TRPC1: variants seen among roughly 807,000 people sequenced by gnomAD.
TRPC1 encodes the protein transient receptor potential cation channel subfamily C member 1, also known as short transient receptor potential channel 1.
Under a neutral mutation model 88.2 loss-of-function variants are expected in TRPC1, and 42 were observed. The observed-to-expected ratio is 0.48, with a 90% CI of 0.37 to 0.62. The LOEUF is 0.62. Among genes scored for constraint, TRPC1 ranks in the 20% least tolerant of loss-of-function variants. The pLI is 0.00. For missense variants in TRPC1, 699 were observed against 957.3 expected, an observed-to-expected ratio of 0.73 and a Z score of 3.56; for synonymous variants, 288 against 331.8, an observed-to-expected ratio of 0.87 and a Z score of 1.43.
At chr3:142,745,522 T>C (rs1469354482) in intron 3 of TRPC1, among the ~76,000 whole-genome samples, 1 of 152,144 alleles carries the variant, frequency 6.6e-6, no homozygotes, top group African/African-American at 2.4e-5. Context: ...CGTGCACCTG[T>C]CATCCCAGTT....
At chr3:142,801,869 C>T (rs991397493) in intron 9 of TRPC1, among the ~76,000 whole-genome samples, 1 of 152,068 alleles carries the variant, frequency 6.6e-6, no homozygotes, top group Admixed American at 6.6e-5. Flanking sequence ...CAAATTAGGC[C>T]TTTTCTTAAA....
At chr3:142,803,751 G>A (rs1354914577) in intron 10 of TRPC1, among the ~76,000 whole-genome samples, 2 of 152,138 alleles carry the variant, frequency 1.3e-5, no homozygotes, top group Non-Finnish European at 2.9e-5. Context: ...CAGAAAGAAA[G>A]GCAGCAAGGG....
intron 2 of TRPC1, among the ~76,000 whole-genome samples, chr3:142,741,812 C>T (rs1934360961): frequency 6.6e-6 from 1 of 151,972 alleles, no homozygotes; most frequent in South Asian, 2.1e-4. Context: ...GTTGAAGTTC[C>T]CTGGTGTTTG....
chr3:142,799,975 T>C (rs192949295), intron 9 of TRPC1, among the ~76,000 whole-genome samples: 6 of 152,296 alleles, frequency 3.9e-5, no homozygotes, highest in East Asian at 1.9e-4. Flanking sequence ...ATGGTCACTA[T>C]TGGAAAACCT....
chr3:142,807,439 C>T lies in TRPC1; in HGVS notation c.*1204C>T, dbSNP rs1028947768. On this transcript the variant is annotated 3_prime_UTR_variant, in exon 13 of 13. Transcript: ENST00000476941. ...GTTTTCATAGGCTATTATATATTCTCGCAGCATTTCCAGTTAAGAGGATAT... is the reference window on the plus strand; with the variant it reads ...GTTTTCATAGGCTATTATATATTCTTGCAGCATTTCCAGTTAAGAGGATAT... 116 of 152,122 alleles carry T rather than the reference C, an allele frequency of 7.6e-4. No individual in the cohort carries two copies. The highest frequency in any genetic ancestry group is 2.7e-3 in the African/African-American group (112 of 41,420). 9.4% of individuals were successfully genotyped at this position (152,122 alleles called of 1,614,324 possible).
chr3:142,800,637 C>A (rs890993691), intron 9 of TRPC1, among the ~76,000 whole-genome samples: 2 of 151,980 alleles, frequency 1.3e-5, no homozygotes, highest in African/African-American at 4.8e-5. Context: ...AATAATGAGG[C>A]CAGGCACGGT....
chr3:142,781,557 C>T (rs902964381), intron 6 of TRPC1, among the ~76,000 whole-genome samples: 2 of 151,996 alleles, frequency 1.3e-5, no homozygotes, highest in Admixed American at 6.5e-5. Context: ...TGGAGAGGTA[C>T]ATGATATGAT....
chr3:142,755,774 C>T (rs992765199), intron 4 of TRPC1, among the ~76,000 whole-genome samples: 1 of 152,128 alleles, frequency 6.6e-6, no homozygotes, highest in Non-Finnish European at 1.5e-5. Flanking sequence ...TCCATAGGGC[C>T]TCAAAAAAGG....
Position 142,803,234 on chromosome 3 carries a change from T to C in TRPC1, c.1758-743T>C, listed in dbSNP as rs1005779619. Among the ~76,000 whole-genome samples, 8 of 152,222 alleles carry C rather than the reference T, an allele frequency of 5.3e-5. No individual in the cohort carries two copies. In the East Asian group the frequency reaches 5.8e-4, roughly 11 times the overall value. ...AGGGAGTGCCCCAGAAGAGATGACA[T>C]TCATGTGAGGATCTAAAGCTGGTAA... On this transcript the variant is annotated intron_variant, in intron 10 of 12. Transcript: ENST00000476941.
chr3:142,805,443 A>G (rs1453013497), intron 12 of TRPC1, among the ~76,000 whole-genome samples: 1 of 152,064 alleles, frequency 6.6e-6, no homozygotes, highest in Non-Finnish European at 1.5e-5. Flanking sequence ...TAAATACTTT[A>G]CACTTTTCAG....
chr3:142,803,914 A>G (rs1037715624), intron 10 of TRPC1, 63 bp from the exon 11 acceptor site: 26 of 1,494,404 alleles, frequency 1.7e-5, no homozygotes, highest in Non-Finnish European at 2.3e-5. Context: ...GATATAAACA[A>G]ATGATTCATT....
intron 1 of TRPC1, among the ~76,000 whole-genome samples, chr3:142,735,337 T>G (rs945099652): frequency 2.6e-5 from 4 of 152,226 alleles, no homozygotes; most frequent in Non-Finnish European, 5.9e-5. Context: ...TTCTGTATCA[T>G]GAAATCATTT....
In TRPC1 at chr3:142,802,233, T is replaced by C. The variant is rs1379851465; in HGVS notation, c.1646T>C (p.Phe549Ser). 9 of 1,599,646 alleles carry C rather than the reference T, an allele frequency of 5.6e-6. No individual in the cohort carries two copies. Among genetic ancestry groups the C allele is most frequent in the Non-Finnish European group, 7.7e-6 (9 of 1,174,322 alleles). ...CTTGGGATGTTTCTTCTTGTTTTGT[T>C]TTCTTTCACAATTGGACTGACACAA... ...KFLGMFLLVL[F>S]SFTIGLTQLY... Residue 549 changes from phenylalanine (F) to serine (S), a missense_variant, in exon 10 of 13, where the codon TTT (phenylalanine) becomes TCT (serine). Transcript: ENST00000476941.
chr3:142,801,736 C>A (rs1477186002), intron 9 of TRPC1, among the ~76,000 whole-genome samples: 1 of 152,068 alleles, frequency 6.6e-6, no homozygotes, highest in Non-Finnish European at 1.5e-5. Context: ...GAATTGGTTT[C>A]AAAAATCAGG....
chr3:142,795,666 C>CA lies in TRPC1; in HGVS notation c.1581+2703dup, dbSNP rs149521002. Among the ~76,000 whole-genome samples the CA allele has an allele frequency of 7.5e-3, 1,136 of 151,950 alleles. 8 individuals carry two copies. The highest frequency in any genetic ancestry group is 0.012 in the Non-Finnish European group (835 of 67,922). ...GGTAAAATGTAGACTTCCAGACACA[C>CA]AAAAGCTAAAAGAATACATCACTGG... On this transcript the variant is annotated intron_variant, in intron 9 of 12. Coordinates refer to ENST00000476941, the MANE Select transcript of TRPC1 (RefSeq NM_001251845.2).
intron 3 of TRPC1, among the ~76,000 whole-genome samples, chr3:142,746,863 A>G (rs944077095): frequency 6.6e-6 from 1 of 152,186 alleles, no homozygotes; most frequent in Non-Finnish European, 1.5e-5. Context: ...ACCAAAAAAA[A>G]AAAAACTGGT....
intron 4 of TRPC1, among the ~76,000 whole-genome samples, chr3:142,759,038 G>C (rs1454110339): frequency 6.6e-6 from 1 of 152,108 alleles, no homozygotes; most frequent in Admixed American, 6.5e-5. Flanking sequence ...GTATTCCATG[G>C]TGTATATGTG....
Position 142,792,932 on chromosome 3 carries a change from A to G in TRPC1, c.1546A>G (p.Met516Val). 1 of 1,609,562 alleles carries G rather than the reference A, an allele frequency of 6.2e-7. No individual in the cohort carries two copies. ...NVLSYLRLFF[M>V]YTTSSILGPL... The stretch of plus-strand genomic sequence containing the variant: ...TCTAAGTTATCTTCGTCTCTTTTTT[A>G]TGTATACAACCAGCTCTATCTTGGG... The change falls in exon 9 of 13, where the codon ATG (methionine) becomes GTG (valine). Residue 516 changes from methionine to valine, a missense_variant. Physicochemically the swap from Met to Val is conservative, Grantham distance 21 (BLOSUM62 1). This residue lies in a region of TRPC1 where 426 missense variants were observed against 641.3 expected (regional missense o/e 0.66). Coordinates refer to ENST00000476941, the MANE Select transcript of TRPC1 (RefSeq NM_001251845.2). This position sits in a 1 kb window ranked among gnomAD's most constrained non-coding sequence, Gnocchi z 4.0.
At chr3:142,797,261 C>G (rs1250368043) in intron 9 of TRPC1, among the ~76,000 whole-genome samples, 2 of 151,814 alleles carry the variant, frequency 1.3e-5, no homozygotes, top group Admixed American at 1.3e-4. Context: ...CCTCCCCTTC[C>G]TACTTCATTT....
Sources: allele counts gnomAD v4.1 joint callset (sites outside exome capture counted in the v4.1 genomes callset), GRCh38; gene constraint gnomAD v4.1.1; regional missense constraint gnomAD v4.1.1; non-coding constraint Gnocchi (gnomAD v3.1); transcripts MANE v1.5; gene names NCBI Gene and HGNC (gene_info 2026-07-23, HGNC 2026-07-21).